The following NCAM2 variants were observed in gnomAD, a reference collection of about 807,000 sequenced individuals.
The protein encoded by NCAM2 is N-CAM-2.
NCAM2 carries 30 observed loss-of-function variants against 98.1 expected under a neutral mutation model. The ratio of observed to expected loss-of-function variants is 0.31; its 90% CI spans 0.23 to 0.41. NCAM2 has a LOEUF of 0.41. NCAM2 is among the 10% of genes least tolerant of loss of function. NCAM2 has a pLI of 1.00. For synonymous variants in NCAM2, 368 were observed against 342.4 expected (o/e 1.07, Z -0.83); for missense variants, 867 against 1,005.8 (o/e 0.86, Z 1.87).
chr21:21,152,682 C>G (rs909989811), intron 1 of NCAM2, among the ~76,000 whole-genome samples: 1 of 152,054 alleles, frequency 6.6e-6, no homozygotes, highest in Admixed American at 6.6e-5. Context: ...ATTCCAGTTA[C>G]TCAACAAATC....
At chr21:21,350,033 A>C (rs1010547517) in intron 8 of NCAM2, among the ~76,000 whole-genome samples, 1 of 149,682 alleles carries the variant, frequency 6.7e-6, no homozygotes, top group African/African-American at 2.4e-5. Context: ...AGTTAATACC[A>C]ACTTAATTGT....
At chr21:21,374,636 A>T (rs1025679078) in intron 9 of NCAM2, among the ~76,000 whole-genome samples, 12 of 151,870 alleles carry the variant, frequency 7.9e-5, no homozygotes, top group Admixed American at 2.6e-4. Flanking sequence ...CACTGCATGG[A>T]ATTTAAAAAT....
chr21:21,175,675 A>T (rs1415778095), intron 1 of NCAM2, among the ~76,000 whole-genome samples: 1 of 152,266 alleles, frequency 6.6e-6, no homozygotes, highest in East Asian at 1.9e-4. Context: ...GGTCTGATAG[A>T]AAATGAGAAT....
intron 1 of NCAM2, among the ~76,000 whole-genome samples, chr21:21,195,978 A>C (rs2068990805): frequency 1.3e-5 from 2 of 152,220 alleles, no homozygotes; most frequent in African/African-American, 4.8e-5. Context: ...ATCTGAGTTT[A>C]AATAATTAAA....
intron 1 of NCAM2, among the ~76,000 whole-genome samples, chr21:21,272,441 TA>T (rs1416557454): frequency 2.0e-5 from 3 of 151,846 alleles, no homozygotes; most frequent in Non-Finnish European, 4.4e-5. Flanking sequence ...AGACCAAAAC[TA>T]AATTTAAAAA....
intron 1 of NCAM2, among the ~76,000 whole-genome samples, chr21:21,112,507 A>G (rs904863522): frequency 6.6e-6 from 1 of 152,154 alleles, no homozygotes; most frequent in Non-Finnish European, 1.5e-5. Flanking sequence ...GTGCCTGGAC[A>G]TACTTTAAAT....
intron 1 of NCAM2, among the ~76,000 whole-genome samples, chr21:21,050,853 T>C (rs148367307): frequency 6.6e-5 from 10 of 152,340 alleles, no homozygotes; most frequent in African/African-American, 2.4e-4. Flanking sequence ...TCATTAGTAT[T>C]CTTTCTCGAG....
intron 15 of NCAM2, among the ~76,000 whole-genome samples, chr21:21,495,243 A>T (rs999226192): frequency 2.6e-5 from 4 of 151,978 alleles, no homozygotes; most frequent in Admixed American, 1.3e-4. Context: ...TTCTATTTTT[A>T]AAATATACCA....
rs897671694 is a variant in NCAM2, at chr21:21,350,437, G to T, written c.1044+11903G>T. Among the ~76,000 whole-genome samples, 6 of 152,144 alleles carry T rather than the reference G, an allele frequency of 3.9e-5. No individual in the cohort carries two copies. The East Asian group carries it at 1.2e-3, about 29-fold the overall frequency. ...ACAATCCAGGACAGCTTCAAATAGT[G>T]ATAGAATTATATTATTTCACATAAA... is the stretch of plus-strand genomic sequence containing the variant. On this transcript the variant is annotated intron_variant, in intron 8 of 17. Transcript: ENST00000400546.
At chr21:21,473,990 T>C (rs982874562) in intron 14 of NCAM2, among the ~76,000 whole-genome samples, 1 of 151,886 alleles carries the variant, frequency 6.6e-6, no homozygotes, top group African/African-American at 2.4e-5. Flanking sequence ...CAACATTTAA[T>C]TGGCTTATTA....
At chr21:21,452,812 A>T (rs1234435954) in intron 12 of NCAM2, among the ~76,000 whole-genome samples, 1 of 98,614 alleles carries the variant, frequency 1.0e-5, no homozygotes. Flanking sequence ...GTATTACTTT[A>T]TATATTATAT....
At position 21,294,020 on chromosome 21, in the gene NCAM2, C is replaced by T. The variant is rs377229502; in HGVS notation, c.619+1779C>T. Among the ~76,000 whole-genome samples the T allele has an allele frequency of 5.3e-5, 8 of 151,506 alleles. No homozygotes were observed. In the East Asian group the frequency reaches 7.8e-4, roughly 15 times the overall value. On this transcript the variant is annotated intron_variant, in intron 5 of 17. Transcript: ENST00000400546. ...TGATATTAAAATGAAATTTATCCAG[C>T]AGGCATAGTAACCCTTTGTTATTCA...
chr21:21,162,239 A>T (rs563477109), intron 1 of NCAM2, among the ~76,000 whole-genome samples: 5 of 152,262 alleles, frequency 3.3e-5, no homozygotes, highest in African/African-American at 1.2e-4. Flanking sequence ...AACACACTTG[A>T]AGTGTAATTA....
chr21:21,450,581 C>A (rs761385347), intron 12 of NCAM2, among the ~76,000 whole-genome samples: 1 of 152,020 alleles, frequency 6.6e-6, no homozygotes, highest in Non-Finnish European at 1.5e-5. Flanking sequence ...CCTCTTGCCT[C>A]AGCCTCCCAA....
intron 1 of NCAM2, among the ~76,000 whole-genome samples, chr21:21,159,218 A>G (rs1367120368): frequency 6.6e-6 from 1 of 152,210 alleles, no homozygotes; most frequent in Admixed American, 6.5e-5. Flanking sequence ...GTTGTAAGCT[A>G]TTATTACAAA....
intron 8 of NCAM2, among the ~76,000 whole-genome samples, chr21:21,371,557 A>G (rs893222178): frequency 1.3e-4 from 20 of 151,724 alleles, no homozygotes; most frequent in African/African-American, 3.9e-4. Flanking sequence ...TGCTTCTCTC[A>G]TATCTTTCTT....
intron 9 of NCAM2, among the ~76,000 whole-genome samples, chr21:21,404,167 A>G (rs1569025147): frequency 6.6e-6 from 1 of 152,170 alleles, no homozygotes. Flanking sequence ...AATAAAATAG[A>G]TAACTCAATA....
intron 1 of NCAM2, among the ~76,000 whole-genome samples, chr21:21,063,884 A>G (rs2065376900): frequency 2.0e-5 from 3 of 152,114 alleles, no homozygotes; most frequent in South Asian, 2.1e-4. Context: ...TCTTACATCA[A>G]TTATATTTCT....
intron 10 of NCAM2, among the ~76,000 whole-genome samples, chr21:21,415,493 G>A (rs558761786): frequency 2.0e-5 from 3 of 151,792 alleles, no homozygotes; most frequent in Admixed American, 1.3e-4. Context: ...CGGCCACCAC[G>A]CCCGGCTAAT....
Sources: gnomAD v4.1 joint callset for allele counts (sites outside exome capture counted in the v4.1 genomes callset) on GRCh38, gnomAD v4.1.1 for gene constraint, MANE v1.5 for transcripts, NCBI Gene and HGNC (gene_info 2026-07-23, HGNC 2026-07-21) for gene names.